RET: variants seen among roughly 807,000 people sequenced by gnomAD.
RET encodes the protein proto-oncogene tyrosine-protein kinase receptor Ret.
In RET, 19 loss-of-function variants were observed where a neutral mutation model predicts 118.3. The observed-to-expected ratio is 0.16, with a 90% CI of 0.11 to 0.24. The LOEUF (loss-of-function observed/expected upper bound fraction) is 0.24, where lower values mean the gene tolerates loss of function less well. Among genes scored for constraint, RET ranks in the 10% least tolerant of loss-of-function variants. The probability of loss-of-function intolerance (pLI) is 1.00; values close to 1 mark genes in which losing one functional copy is unlikely to be tolerated. For missense variants in RET, 1,219 were observed against 1,502.1 expected (o/e 0.81, Z 3.12); for synonymous variants, 597 against 644.1 (o/e 0.93, Z 1.11).
rs2132776490 is a variant in RET, at chr10:43,111,441, C to A, written c.1498C>A (p.Leu500Met). The A allele has an allele frequency of 6.2e-7, 1 of 1,604,626 alleles. No homozygotes were observed. Residue 500 changes from leucine (L) to methionine (M), a missense_variant, in exon 7 of 20, where the codon CTG (leucine) becomes ATG (methionine). Physicochemically the swap from Leu to Met is conservative, Grantham distance 15 (BLOSUM62 2). Coordinates refer to ENST00000355710, the MANE Select transcript of RET (RefSeq NM_020975.6). ...GACCTCTAGGCAGGCCCAGGCCCAG[C>A]TGCTTGTAACAGTGGAGGGGTCATG... The part of the protein sequence containing the change: ...QQTSRQAQAQ[L>M]LVTVEGSYVA...
At chr10:43,094,612 G>A (rs1837482634) in intron 1 of RET, among the ~76,000 whole-genome samples, 4 of 152,224 alleles carry the variant, frequency 2.6e-5, no homozygotes, top group Admixed American at 2.6e-4. Context: ...CCGGGTGGTC[G>A]GCAGTGGGGG....
At position 43,111,325 on chromosome 10, in the gene RET, C is replaced by A. The variant is rs2132769980; in HGVS notation, c.1382C>A (p.Thr461Asn). The A allele has an allele frequency of 6.2e-7, 1 of 1,614,108 alleles. No individual in the cohort carries two copies. The highest frequency in any genetic ancestry group is 8.5e-7 in the Non-Finnish European group (1 of 1,180,054). Residue 461 changes from threonine (T) to asparagine (N), a missense_variant, in exon 7 of 20, where the codon ACC becomes AAC. Physicochemically the swap from Thr to Asn is moderately conservative, Grantham distance 65. This residue lies in a region of RET where 850 missense variants were observed against 969.6 expected (regional missense o/e 0.88). Transcript: ENST00000355710. ...GGGGTGGTCACCTCAGCCGAGGACA[C>A]CTCGGGGATCCTGTTTGTGAATGAC... The part of the protein sequence containing the change: ...TLGVVTSAED[T>N]SGILFVNDTK...
At position 43,107,386 on chromosome 10, in the gene RET, G is replaced by A. The variant is rs539092543; in HGVS notation, c.1063+815G>A. On this transcript the variant is annotated intron_variant, in intron 5 of 19. Transcript: ENST00000355710. ...CACATGAGATCCACAGTGGCAGCAC[G>A]CGGCAGGTACACCGATGGCATGACT... Among the ~76,000 whole-genome samples, 79 of 152,248 alleles carry A rather than the reference G, an allele frequency of 5.2e-4. 1 individual carries two copies. The highest frequency in any genetic ancestry group is 7.7e-4 in the African/African-American group (32 of 41,528).
rs1422134733 is a variant in RET at position 43,113,040 on chromosome 10, C to T, written c.1759+77C>T. On this transcript the variant is annotated intron_variant, in intron 9 of 19. Coordinates refer to ENST00000355710, the MANE Select transcript of RET (RefSeq NM_020975.6). The stretch of plus-strand genomic sequence containing the variant: ...ACCTGGATCCCACAGGCACTTCAGC[C>T]AGAGTTGCCAGGGCTGTCAGTTCTA... The T allele has an allele frequency of 4.2e-6, 5 of 1,178,428 alleles. No homozygotes were observed. In the African/African-American group the frequency reaches 7.6e-5, roughly 18 times the overall value. The allele number at this position is 1,178,428 out of a possible 1,614,324, so 73.0% of individuals were successfully genotyped here. A position where few individuals can be genotyped will look rare whatever the true frequency, so the allele number is the denominator to read the frequency against.
At chr10:43,127,896 A>G (rs751780025) in intron 19 of RET, among the ~76,000 whole-genome samples, 4 of 152,194 alleles carry the variant, frequency 2.6e-5, no homozygotes, top group Non-Finnish European at 5.9e-5. Flanking sequence ...CAAAATTGGT[A>G]GTGTCTGTTA....
chr10:43,077,357 C>T lies in RET; in HGVS notation c.73+26C>T. On this transcript the variant is annotated intron_variant, in intron 1 of 19. Coordinates refer to ENST00000355710, the MANE Select transcript of RET (RefSeq NM_020975.6). ...GTGAGTTCTGCCGGCCGCCGGCTCC[C>T]GCAGGGGCCAGGGCGAAGTTGGCGC... The T allele has an allele frequency of 2.0e-6, 3 of 1,503,380 alleles. No individual in the cohort carries two copies. In the African/African-American group the frequency reaches 4.3e-5, roughly 22 times the overall value. The allele number at this position is 1,503,380 out of a possible 1,614,324, so 93.1% of individuals were successfully genotyped here. A position where few individuals can be genotyped will look rare whatever the true frequency, so the allele number is the denominator to read the frequency against.
Position 43,077,340 on chromosome 10 carries a change from T to TGCCGGCC in RET, c.73+16_73+22dup. 6.6e-7 allele frequency: 1 copy of TGCCGGCC among 1,506,254 alleles called. No individual in the cohort carries two copies. The highest frequency in any genetic ancestry group is 8.8e-7 in the Non-Finnish European group (1 of 1,132,844). 93.3% of individuals were successfully genotyped at this position (1,506,254 alleles called of 1,614,324 possible). A position where few individuals can be genotyped will look rare whatever the true frequency, so the allele number is the denominator to read the frequency against. On this transcript the variant is annotated intron_variant, in intron 1 of 19. Coordinates refer to ENST00000355710, the MANE Select transcript of RET (RefSeq NM_020975.6). ...GCCGCTGCTAGGCAAAGGTGAGTTC[T>TGCCGGCC]GCCGGCCGCCGGCTCCCGCAGGGGC...
Position 43,128,203 on chromosome 10 carries a change from T to C in RET, c.3279T>C (p.Asp1093=), listed in dbSNP as rs864622608. 1.2e-6 allele frequency: 2 copies of C among 1,614,188 alleles called. No homozygotes were observed. Among genetic ancestry groups the C allele is most frequent in the Non-Finnish European group, 1.7e-6 (2 of 1,180,018 alleles). Residue 1093 remains aspartate (D), a synonymous_variant, in exon 20 of 20, where the codon GAT becomes GAC. Transcript: ENST00000355710. ...TNTGFPRYPN[D]SVYANWMLSP... is the part of the protein sequence containing the mutation. ...CTGGGTTTCCAAGATATCCAAATGA[T>C]AGTGTATATGCTAACTGGATGCTTT...
At position 43,077,113 on chromosome 10, in the gene RET, G is replaced by C; in HGVS notation, c.-146G>C. 8.9e-7 allele frequency: 1 copy of C among 1,126,744 alleles called. No individual in the cohort carries two copies. Among genetic ancestry groups the C allele is most frequent in the Non-Finnish European group, 1.1e-6 (1 of 889,234 alleles). 69.8% of individuals were successfully genotyped at this position (1,126,744 alleles called of 1,614,324 possible). On this transcript the variant is annotated 5_prime_UTR_variant, in exon 1 of 20. Coordinates refer to ENST00000355710, the MANE Select transcript of RET (RefSeq NM_020975.6). ...GGCGCGCAGCAGCGCTGAGTGCCCC[G>C]GAACGTGCGTCGCGCCCCCAGTGTC... is the stretch of plus-strand genomic sequence containing the variant.
At chr10:43,078,851 A>C (rs1174127603) in intron 1 of RET, among the ~76,000 whole-genome samples, 1 of 152,208 alleles carries the variant, frequency 6.6e-6, no homozygotes, top group Non-Finnish European at 1.5e-5. Context: ...TCCCGAATCC[A>C]GAGATGGTGA....
chr10:43,118,622 GC>G, intron 13 of RET, 142 bp downstream of exon 13: 1 of 741,896 alleles, frequency 1.3e-6, no homozygotes, highest in Non-Finnish European at 2.3e-6. Flanking sequence ...CCTGGCTCAG[GC>G]CCCAGCCTGG....
Position 43,106,736 on chromosome 10 carries a change from G to T in RET, c.1063+165G>T, listed in dbSNP as rs1280229158. Among the ~76,000 whole-genome samples, 1 of 152,082 alleles carries T rather than the reference G, an allele frequency of 6.6e-6. No individual in the cohort carries two copies. Among genetic ancestry groups the T allele is most frequent in the African/African-American group, 2.4e-5 (1 of 41,396 alleles). ...CCAGCACTTCCTGTGTCTCTGCCAG[G>T]CCTGCCCTCCAGCCACCAGCAGGGC... On this transcript the variant is annotated intron_variant, in intron 5 of 19. Transcript: ENST00000355710. This position sits in a 1 kb window ranked among gnomAD's most constrained non-coding sequence, Gnocchi z 5.1.
At chr10:43,127,542 CT>C (rs1314261908) in intron 19 of RET, 1 of 951,830 alleles carries the variant, frequency 1.1e-6, no homozygotes, top group East Asian at 7.4e-5. Context: ...TGTTTGAAAT[CT>C]TGGAGTTTCA....
In RET at chr10:43,114,719, G is replaced by A. The variant is rs2132855232; in HGVS notation, c.2119G>A (p.Asp707Asn). The A allele has an allele frequency of 6.2e-7, 1 of 1,610,956 alleles. No individual in the cohort carries two copies. Among genetic ancestry groups the A allele is most frequent in the Non-Finnish European group, 8.5e-7 (1 of 1,179,764 alleles). Residue 707 changes from aspartate (D) to asparagine (N), a missense_variant, in exon 11 of 20, where the codon GAT becomes AAT. Around this residue, in one of 5 missense-constraint regions of RET, gnomAD observed 850 missense variants for 969.6 expected, o/e 0.88. Coordinates refer to ENST00000355710, the MANE Select transcript of RET (RefSeq NM_020975.6). This position sits in a 1 kb window ranked among gnomAD's most constrained non-coding sequence, Gnocchi z 4.6. ...CTCCATGGAGAACCAGGTCTCCGTG[G>A]ATGCCTTCAAGATCCTGGTGAGGGT... is the stretch of plus-strand genomic sequence containing the variant. ...LDSMENQVSV[D>N]AFKILEDPKW...
In RET at chr10:43,123,960, T is replaced by C. The variant is rs987578888; in HGVS notation, c.2939+152T>C. On this transcript the variant is annotated intron_variant, in intron 17 of 19. Coordinates refer to ENST00000355710, the MANE Select transcript of RET (RefSeq NM_020975.6). ...CAGAGGTTAGAGAGCCATCCTTGGG[T>C]GTGGCAGTAGATGCTGGGGGTCCTA... 9.0e-6 allele frequency: 11 copies of C among 1,220,206 alleles called. No homozygotes were observed. The Middle Eastern group carries it at 1.5e-3, about 170-fold the overall frequency. 75.6% of individuals were successfully genotyped at this position (1,220,206 alleles called of 1,614,324 possible). A position where few individuals can be genotyped will look rare whatever the true frequency, so the allele number is the denominator to read the frequency against.
At chr10:43,088,064 TGAA>T (rs535460177) in intron 1 of RET, among the ~76,000 whole-genome samples, 134 of 151,980 alleles carry the variant, frequency 8.8e-4, no homozygotes, top group African/African-American at 3.1e-3. Flanking sequence ...GTGGTGATGG[TGAA>T]GACGGTGGTG....
rs1838336073 is a variant in RET at position 43,126,631 on chromosome 10, C to T, written c.3096C>T (p.Gly1032=). ...TPSDSLIYDD[G]LSEEETPLVD... is the part of the protein sequence containing the mutation. Reference sequence around the variant, plus strand: ...CTGACTCCCTGATTTATGACGACGGCCTCTCAGAGGAGGAGACACCGCTGG... The same window carrying T: ...CTGACTCCCTGATTTATGACGACGGTCTCTCAGAGGAGGAGACACCGCTGG... The change falls in exon 19 of 20, where the codon GGC becomes GGT. Residue 1032 remains glycine, a synonymous_variant. Coordinates refer to ENST00000355710, the MANE Select transcript of RET (RefSeq NM_020975.6). The T allele has an allele frequency of 1.2e-6, 2 of 1,614,024 alleles. No individual in the cohort carries two copies. Among genetic ancestry groups the T allele is most frequent in the South Asian group, 1.1e-5 (1 of 91,082 alleles).
At chr10:43,123,839 A>C (rs771815106) in intron 17 of RET, 31 bp downstream of exon 17, 2 of 1,613,610 alleles carry the variant, frequency 1.2e-6, no homozygotes, top group Non-Finnish European at 1.7e-6. Flanking sequence ...GCCCAGCCTC[A>C]CTTGGGAAGG....
At chr10:43,099,888 G>T (rs550742216) in intron 1 of RET, among the ~76,000 whole-genome samples, 1 of 152,368 alleles carries the variant, frequency 6.6e-6, no homozygotes, top group African/African-American at 2.4e-5. Context: ...GGATTCTGTG[G>T]CATGGCTGGA....
Sources: allele counts gnomAD v4.1 joint callset (sites outside exome capture counted in the v4.1 genomes callset), GRCh38; gene constraint gnomAD v4.1.1; regional missense constraint gnomAD v4.1.1; non-coding constraint Gnocchi (gnomAD v3.1); transcripts MANE v1.5; gene names NCBI Gene and HGNC (gene_info 2026-07-23, HGNC 2026-07-21).